Variants in KCTD3 observed in about 807,000 individuals in gnomAD.
KCTD3 encodes potassium channel tetramerization domain containing 3.
In KCTD3, 41 loss-of-function variants were observed where a neutral mutation model predicts 85.8. That is an observed-to-expected ratio of 0.48 (90% CI 0.37 to 0.62). The LOEUF is 0.62. Among genes scored for constraint, KCTD3 ranks in the 20% least tolerant of loss-of-function variants. The pLI is 0.00. For synonymous variants in KCTD3, 338 were observed against 345.4 expected (o/e 0.98, Z 0.24); for missense variants, 724 against 989.9 (o/e 0.73, Z 3.60).
chr1:215,591,770 CCTT>C (rs1660236179), intron 9 of KCTD3, among the ~76,000 whole-genome samples: 1 of 152,226 alleles, frequency 6.6e-6, no homozygotes, highest in Non-Finnish European at 1.5e-5. Context: ...CAGTTCCCTT[CCTT>C]CTTGTACTGT....
chr1:215,579,896 C>A lies in KCTD3; in HGVS notation c.536-13C>A. The stretch of plus-strand genomic sequence containing the variant: ...TTTAGAATGTAAAATATTTCTTTTT[C>A]CAAAATCAACAGGATTTCCTGTGGA... On this transcript the variant is annotated splice_polypyrimidine_tract_variant and intron_variant, in intron 7 of 17. Coordinates refer to ENST00000259154, the MANE Select transcript of KCTD3 (RefSeq NM_016121.5). 6.3e-7 allele frequency: 1 copy of A among 1,598,130 alleles called. No individual in the cohort carries two copies. The highest frequency in any genetic ancestry group is 8.6e-7 in the Non-Finnish European group (1 of 1,166,082).
In KCTD3 at chr1:215,602,086, T is replaced by TA. The variant is rs780745691; in HGVS notation, c.1024dup (p.Met342AsnfsTer11). On this transcript the variant is annotated frameshift_variant and splice_region_variant, in exon 12 of 18. Transcript: ENST00000259154. LOFTEE classifies it high-confidence loss of function. ...CTGTTTAAAATTTTTATGTTTTAGA[T>TA]ATGCAGAAGTTCCCCTTGCGAATGA... The TA allele has an allele frequency of 1.9e-6, 3 of 1,572,610 alleles. No individual in the cohort carries two copies. Among genetic ancestry groups the TA allele is most frequent in the Non-Finnish European group, 2.6e-6 (3 of 1,146,982 alleles).
intron 8 of KCTD3, among the ~76,000 whole-genome samples, chr1:215,580,347 G>A (rs1320610704): frequency 6.6e-6 from 1 of 152,116 alleles, no homozygotes; most frequent in African/African-American, 2.4e-5. Flanking sequence ...CTCCCTGATG[G>A]TCTATCTCTA....
intron 1 of KCTD3, among the ~76,000 whole-genome samples, chr1:215,571,731 C>T (rs867465795): frequency 6.6e-6 from 1 of 151,476 alleles, no homozygotes; most frequent in East Asian, 2.0e-4. Context: ...CCTGAGTTCA[C>T]GCCATTGTCC....
intron 4 of KCTD3, among the ~76,000 whole-genome samples, chr1:215,577,048 T>A (rs1659615267): frequency 6.6e-6 from 1 of 152,162 alleles, no homozygotes; most frequent in African/African-American, 2.4e-5. Flanking sequence ...TTCCATTTTT[T>A]AAAAATTTTA....
chr1:215,577,240 A>G (rs1659622519), intron 4 of KCTD3, among the ~76,000 whole-genome samples: 1 of 152,110 alleles, frequency 6.6e-6, no homozygotes, highest in African/African-American at 2.4e-5. Context: ...GATCAGAAAT[A>G]GATCATGCTC....
intron 9 of KCTD3, among the ~76,000 whole-genome samples, chr1:215,587,133 C>CTTT (rs36018872): frequency 7.0e-6 from 1 of 142,242 alleles, no homozygotes; most frequent in African/African-American, 2.6e-5. Flanking sequence ...CTTTTTTTTC[C>CTTT]TTTTTTTTTT....
chr1:215,614,869 A>G (rs2886165), intron 15 of KCTD3, among the ~76,000 whole-genome samples: 2,685 of 152,318 alleles, frequency 0.018, 173 homozygotes, highest in Admixed American at 0.14. Context: ...TTTTACATCA[A>G]AGTTCATTAT....
chr1:215,572,506 A>C (rs1316769548), intron 1 of KCTD3, among the ~76,000 whole-genome samples: 1 of 152,218 alleles, frequency 6.6e-6, no homozygotes, highest in Non-Finnish European at 1.5e-5. Flanking sequence ...TGGTAGTCAC[A>C]GTCACCCTGG....
At chr1:215,573,642 A>C in intron 1 of KCTD3, 144 bp from the exon 2 acceptor site, 2 of 499,152 alleles carry the variant, frequency 4.0e-6, no homozygotes, top group Non-Finnish European at 7.2e-6. Flanking sequence ...ACGTTTAAAA[A>C]TATTAACTGT....
chr1:215,568,859 C>G (rs939080161), intron 1 of KCTD3, among the ~76,000 whole-genome samples: 2 of 152,016 alleles, frequency 1.3e-5, no homozygotes, highest in Admixed American at 6.6e-5. Flanking sequence ...CCTCTTCCCC[C>G]AAATCAAAAC....
rs1217194448 is a variant in KCTD3 at position 215,589,880 on chromosome 1, T to C, written c.817+3195T>C. Among the ~76,000 whole-genome samples, 6 of 152,220 alleles carry C rather than the reference T, an allele frequency of 3.9e-5. No individual in the cohort carries two copies. The East Asian group carries it at 5.8e-4, about 15-fold the overall frequency. ...TGGCTTATTTCCAATTTGGAGATAT[T>C]ATGAATAAAGCTGCAGTTAACATTC... On this transcript the variant is annotated intron_variant, in intron 9 of 17. Transcript: ENST00000259154.
At chr1:215,576,195 A>G (rs1659572527) in intron 4 of KCTD3, among the ~76,000 whole-genome samples, 1 of 151,768 alleles carries the variant, frequency 6.6e-6, no homozygotes, top group African/African-American at 2.4e-5. Flanking sequence ...CAGCCTCCCG[A>G]GTAGCTGGGA....
In KCTD3 at chr1:215,567,585, C is replaced by T. The variant is rs1394771549; in HGVS notation, c.-101C>T. On this transcript the variant is annotated 5_prime_UTR_variant, in exon 1 of 18. Coordinates refer to ENST00000259154, the MANE Select transcript of KCTD3 (RefSeq NM_016121.5). The stretch of plus-strand genomic sequence containing the variant: ...CCCCGCCCTCCGGCCGCCGCCGCCC[C>T]GCTGGCCCTGCAGCCGTCGCCGCTG... 3 of 659,048 alleles carry T rather than the reference C, an allele frequency of 4.6e-6. No individual in the cohort carries two copies. The highest frequency in any genetic ancestry group is 4.2e-6 in the Non-Finnish European group (2 of 479,258). 40.8% of individuals were successfully genotyped at this position (659,048 alleles called of 1,614,324 possible).
chr1:215,611,742 A>T (rs1655241673), intron 14 of KCTD3, 83 bp from the exon 15 acceptor site: 1 of 843,316 alleles, frequency 1.2e-6, no homozygotes, highest in Non-Finnish European at 1.9e-6. Flanking sequence ...TTCTTTTCTT[A>T]TATTAATATT....
In KCTD3 at chr1:215,580,104, T is replaced by C. The variant is rs1023073235; in HGVS notation, c.626+105T>C. 7.5e-5 allele frequency: 53 copies of C among 708,688 alleles called. No homozygotes were observed. The African/African-American group carries it at 9.2e-4, about 12-fold the overall frequency. 43.9% of individuals were successfully genotyped at this position (708,688 alleles called of 1,614,324 possible). A position where few individuals can be genotyped will look rare whatever the true frequency, so the allele number is the denominator to read the frequency against. On this transcript the variant is annotated intron_variant, in intron 8 of 17. Transcript: ENST00000259154. ...AAGCTATTTTTTTTTAGTCATCAAG[T>C]TTTTTCCCTGCATATTTTACCCATG... is the stretch of plus-strand genomic sequence containing the variant.
Position 215,567,578 on chromosome 1 carries a change from G to A in KCTD3, c.-108G>A. On this transcript the variant is annotated 5_prime_UTR_variant, in exon 1 of 18. Coordinates refer to ENST00000259154, the MANE Select transcript of KCTD3 (RefSeq NM_016121.5). ...GTGCACCCCCCGCCCTCCGGCCGCC[G>A]CCGCCCCGCTGGCCCTGCAGCCGTC... 2.0e-6 allele frequency: 1 copy of A among 497,678 alleles called. No individual in the cohort carries two copies. The highest frequency in any genetic ancestry group is 9.8e-5 in the South Asian group (1 of 10,180). The allele number at this position is 497,678 out of a possible 1,614,324, so 30.8% of individuals were successfully genotyped here.
At position 215,608,048 on chromosome 1, in the gene KCTD3, G is replaced by A. The variant is rs759039238; in HGVS notation, c.1341G>A (p.Trp447Ter). The A allele has an allele frequency of 6.2e-7, 1 of 1,611,340 alleles. No homozygotes were observed. Among genetic ancestry groups the A allele is most frequent in the East Asian group, 2.2e-5 (1 of 44,764 alleles). The part of the protein sequence containing the change: ...VCADNNHVRT[W>*]TVTRFRGMIS... ...CAGATAATAATCATGTCCGGACGTG[G>A]ACAGTAACACGATTCAGAGGAATGA... Residue 447 changes from tryptophan to a stop codon, truncating the protein, a stop_gained, in exon 14 of 18, where the codon TGG (tryptophan) becomes TGA (stop). Coordinates refer to ENST00000259154, the MANE Select transcript of KCTD3 (RefSeq NM_016121.5). LOFTEE classifies it high-confidence loss of function.
intron 4 of KCTD3, among the ~76,000 whole-genome samples, chr1:215,576,925 A>G (rs1406015299): frequency 6.6e-6 from 1 of 152,204 alleles, no homozygotes; most frequent in Non-Finnish European, 1.5e-5. Context: ...ACAAATAAAA[A>G]CAATTTAACA....
Sources: allele counts gnomAD v4.1 joint callset (sites outside exome capture counted in the v4.1 genomes callset), GRCh38; gene constraint gnomAD v4.1.1; transcripts MANE v1.5; gene names NCBI Gene and HGNC (gene_info 2026-07-23, HGNC 2026-07-21).